The following NTM variants were observed in gnomAD, a reference collection of about 807,000 sequenced individuals.
NTM encodes IgLON family member 2.
NTM carries 13 observed loss-of-function variants against 42.1 expected under a neutral mutation model. That is an observed-to-expected ratio of 0.31 (90% confidence interval 0.20 to 0.49). The LOEUF (loss-of-function observed/expected upper bound fraction) is 0.49. Among genes scored for constraint, NTM ranks in the 20% least tolerant of loss-of-function variants. The pLI, the probability that NTM is intolerant of heterozygous loss-of-function variation, is 0.99. For synonymous variants in NTM, 187 were observed against 179.2 expected (o/e 1.04, Z -0.35); for missense variants, 373 against 452.8 (o/e 0.82, Z 1.60).
At chr11:132,334,460 A>G (rs540877312) in intron 8 of NTM, among the ~76,000 whole-genome samples, 1 of 152,312 alleles carries the variant, frequency 6.6e-6, no homozygotes, top group Admixed American at 6.5e-5. Flanking sequence ...CCCCATCCAG[A>G]TGGGGAAGAG....
chr11:131,900,657 GAGAGAGAGAGAA>G (rs373417907), intron 1 of NTM, among the ~76,000 whole-genome samples: 2 of 151,898 alleles, frequency 1.3e-5, no homozygotes, highest in East Asian at 1.9e-4. Context: ...GAAAGAGGGA[GAGAGAGAGAGAA>G]AGAGAGAGAG....
intron 2 of NTM, among the ~76,000 whole-genome samples, chr11:131,940,764 A>G (rs147677853): frequency 2.0e-5 from 3 of 152,356 alleles, no homozygotes; most frequent in African/African-American, 7.2e-5. Flanking sequence ...CCCAGCCAAT[A>G]TTCAGTGCAG....
intron 1 of NTM, among the ~76,000 whole-genome samples, chr11:131,850,688 G>A (rs78672210): frequency 6.6e-6 from 1 of 152,188 alleles, no homozygotes; most frequent in Non-Finnish European, 1.5e-5. Context: ...AGCAATCAAT[G>A]TTCAAAGGGA....
At chr11:132,020,996 T>G (rs2074248520) in intron 2 of NTM, among the ~76,000 whole-genome samples, 2 of 152,168 alleles carry the variant, frequency 1.3e-5, no homozygotes, top group African/African-American at 4.8e-5. Flanking sequence ...TTGCTTCCTC[T>G]TTGCTCTCCT....
chr11:131,691,620 G>T (rs1422141249), intron 1 of NTM, among the ~76,000 whole-genome samples: 5 of 150,588 alleles, frequency 3.3e-5, no homozygotes, highest in Non-Finnish European at 7.4e-5. Context: ...CTTCCATGTT[G>T]TCTTCTGCTG....
chr11:131,965,334 T>C (rs2062698033), intron 2 of NTM, among the ~76,000 whole-genome samples: 1 of 151,898 alleles, frequency 6.6e-6, no homozygotes, highest in Admixed American at 6.6e-5. Flanking sequence ...CAACGTCTCC[T>C]GGAAAGCAGA....
At chr11:131,704,996 C>A (rs1382174476) in intron 1 of NTM, among the ~76,000 whole-genome samples, 2 of 152,000 alleles carry the variant, frequency 1.3e-5, no homozygotes, top group Non-Finnish European at 2.9e-5. Flanking sequence ...AATCAAGGAA[C>A]CAATATACAC....
intron 1 of NTM, among the ~76,000 whole-genome samples, chr11:131,609,901 T>C (rs1175129892): frequency 1.3e-5 from 2 of 152,176 alleles, no homozygotes; most frequent in Non-Finnish European, 2.9e-5. Context: ...AGAGCTCAGG[T>C]TACCTGTTTT....
At chr11:131,570,226 A>G (rs2057323095) in intron 1 of NTM, among the ~76,000 whole-genome samples, 1 of 152,170 alleles carries the variant, frequency 6.6e-6, no homozygotes, top group South Asian at 2.1e-4. Flanking sequence ...CATTCAGTTC[A>G]TGGGAATCAG....
chr11:131,645,120 C>A (rs754399433), intron 1 of NTM, among the ~76,000 whole-genome samples: 5 of 152,096 alleles, frequency 3.3e-5, no homozygotes, highest in Non-Finnish European at 7.3e-5. Flanking sequence ...AGTAAGTATA[C>A]CTCACAATAA....
chr11:131,387,663 T>C (rs75920098), intron 1 of NTM, among the ~76,000 whole-genome samples: 3,306 of 152,322 alleles, frequency 0.022, 109 homozygotes, highest in African/African-American at 0.075. Context: ...TTTGAGGTGA[T>C]GGATATCCCT....
At chr11:132,188,138 G>T (rs2078725838) in intron 3 of NTM, among the ~76,000 whole-genome samples, 1 of 152,130 alleles carries the variant, frequency 6.6e-6, no homozygotes, top group African/African-American at 2.4e-5. Flanking sequence ...GAAGAAATTA[G>T]CATGAAGATG....
chr11:132,263,287 C>T (rs559094114), intron 4 of NTM, among the ~76,000 whole-genome samples: 1 of 152,298 alleles, frequency 6.6e-6, no homozygotes, highest in East Asian at 1.9e-4. Context: ...AGGAGGCTGC[C>T]CTGGTGATCT....
intron 1 of NTM, among the ~76,000 whole-genome samples, chr11:131,459,667 C>CT (rs1233343418): frequency 6.6e-6 from 1 of 151,458 alleles, no homozygotes; most frequent in East Asian, 1.9e-4. Flanking sequence ...TGTTTTAAAT[C>CT]TAAGCACGGT....
intron 1 of NTM, among the ~76,000 whole-genome samples, chr11:131,416,450 C>T (rs1408280655): frequency 2.0e-5 from 3 of 152,234 alleles, no homozygotes; most frequent in Admixed American, 2.0e-4. Context: ...TTGCCTCTCC[C>T]TGAACTCCCT....
intron 1 of NTM, chr11:131,767,091 A>C: frequency 1.1e-6 from 1 of 951,804 alleles, no homozygotes. Flanking sequence ...TTGTACCTAG[A>C]ACTCTGGACA....
intron 1 of NTM, among the ~76,000 whole-genome samples, chr11:131,768,208 T>A (rs1373875569): frequency 6.7e-6 from 1 of 149,474 alleles, no homozygotes; most frequent in East Asian, 2.0e-4. Context: ...AACCTCCGCC[T>A]CCTGGGTTCA....
intron 1 of NTM, among the ~76,000 whole-genome samples, chr11:131,736,364 A>G (rs1329484645): frequency 1.3e-5 from 2 of 152,156 alleles, no homozygotes; most frequent in South Asian, 2.1e-4. Context: ...GGCTTCTTCT[A>G]CTGCTGGGGA....
intron 2 of NTM, among the ~76,000 whole-genome samples, chr11:131,944,156 C>T (rs2060104520): frequency 6.6e-6 from 1 of 152,122 alleles, no homozygotes; most frequent in South Asian, 2.1e-4. Flanking sequence ...ATGCCACTGG[C>T]TGGTGCAAAG....
Sources: allele counts gnomAD v4.1 joint callset (sites outside exome capture counted in the v4.1 genomes callset), GRCh38; gene constraint gnomAD v4.1.1; transcripts MANE v1.5; gene names NCBI Gene and HGNC (gene_info 2026-07-23, HGNC 2026-07-21).